Variants in ZNG1A observed in about 807,000 individuals in gnomAD.
The protein encoded by ZNG1A is zinc-regulated GTPase metalloprotein activator 1A.
chr9:154,109 T>A, the ZNG1A span: 1 of 152,918 alleles, frequency 6.5e-6, no homozygotes, highest in African/African-American at 2.4e-5. Flanking sequence ...GATTGTCCTA[T>A]GCTGATCAGC....
chr9:153,665 G>A, the ZNG1A span: 2 of 151,612 alleles, frequency 1.3e-5, no homozygotes, highest in African/African-American at 4.8e-5. Context: ...AAAGTTTAAG[G>A]ACATTACTAT....
At chr9:167,396 A>C in the ZNG1A span, 1 of 150,922 alleles carries the variant, frequency 6.6e-6, no homozygotes, top group African/African-American at 2.5e-5. Flanking sequence ...ACATTTACAA[A>C]GTTGAGGGGG....
chr9:149,888 G>C, the ZNG1A span, among the ~76,000 whole-genome samples: 1 of 144,614 alleles, frequency 6.9e-6, no homozygotes, highest in Non-Finnish European at 1.5e-5. Flanking sequence ...TGGTTCACTA[G>C]TACTTCCATT....
the ZNG1A span, among the ~76,000 whole-genome samples, chr9:168,578 A>G: frequency 2.7e-5 from 4 of 150,230 alleles, 1 homozygote; most frequent in East Asian, 7.8e-4. Context: ...TGGAGATGAA[A>G]TGGCCTCCTT....
the ZNG1A span, chr9:177,671 A>T: frequency 1.6e-6 from 2 of 1,238,308 alleles, no homozygotes. Flanking sequence ...TGCTGGTATT[A>T]ATTCTCACTC....
the ZNG1A span, among the ~76,000 whole-genome samples, chr9:137,473 C>T: frequency 2.6e-5 from 4 of 151,784 alleles, no homozygotes; most frequent in South Asian, 2.1e-4. Flanking sequence ...CAAAACTGCC[C>T]ACAGCATCAA....
chr9:133,829 G>A, the ZNG1A span, among the ~76,000 whole-genome samples: 16 of 151,840 alleles, frequency 1.1e-4, no homozygotes, highest in Non-Finnish European at 2.2e-4. Flanking sequence ...GATTTTATAC[G>A]TAAGGAACGT....
the ZNG1A span, among the ~76,000 whole-genome samples, chr9:129,663 G>A: frequency 7.0e-6 from 1 of 143,818 alleles, no homozygotes; most frequent in East Asian, 2.3e-4. Context: ...GGGGTGAGAG[G>A]GAGACGAAAA....
At chr9:178,056 C>T in the ZNG1A span, among the ~76,000 whole-genome samples, 15 of 150,410 alleles carry the variant, frequency 1.0e-4, 1 homozygote, top group Middle Eastern at 3.4e-3. Flanking sequence ...ACTTCTAATA[C>T]AGCCATATAT....
the ZNG1A span, among the ~76,000 whole-genome samples, chr9:162,822 TAA>T: frequency 6.6e-6 from 1 of 150,638 alleles, no homozygotes; most frequent in African/African-American, 2.4e-5. Context: ...GATAAGTACA[TAA>T]GACAGGTTAT....
chr9:174,381 G>A, the ZNG1A span, among the ~76,000 whole-genome samples: 3 of 151,854 alleles, frequency 2.0e-5, no homozygotes, highest in African/African-American at 7.3e-5. Context: ...TTATATTTCA[G>A]CTAGGTATTA....
At chr9:162,295 C>A in the ZNG1A span, 2 of 753,470 alleles carry the variant, frequency 2.7e-6, no homozygotes, top group South Asian at 2.0e-5. Context: ...CAAATTTCAC[C>A]TATTGTTCAG....
At chr9:158,893 C>A in the ZNG1A span, among the ~76,000 whole-genome samples, 1 of 152,120 alleles carries the variant, frequency 6.6e-6, no homozygotes, top group African/African-American at 2.4e-5. Flanking sequence ...CAGCCCTGCA[C>A]TTCCCTCATG....
the ZNG1A span, chr9:172,020 T>C: frequency 5.0e-6 from 8 of 1,607,016 alleles, no homozygotes; most frequent in African/African-American, 8.0e-5. Context: ...ATTCCTCTAA[T>C]ACATCTATTT....
At chr9:174,148 A>G in the ZNG1A span, among the ~76,000 whole-genome samples, 1 of 149,450 alleles carries the variant, frequency 6.7e-6, no homozygotes, top group Non-Finnish European at 1.5e-5. Flanking sequence ...CTCCATCTCA[A>G]AAAAAAAAAA....
At chr9:176,496 T>C in the ZNG1A span, among the ~76,000 whole-genome samples, 27 of 152,022 alleles carry the variant, frequency 1.8e-4, no homozygotes, top group African/African-American at 6.3e-4. Flanking sequence ...TCTTCTGAAA[T>C]ACATTAAGTT....
the ZNG1A span, among the ~76,000 whole-genome samples, chr9:141,819 C>T: frequency 2.6e-5 from 4 of 152,098 alleles, no homozygotes; most frequent in East Asian, 1.9e-4. Context: ...GAGACACACA[C>T]AGGCTCAAAA....
chr9:152,725 T>C, the ZNG1A span, among the ~76,000 whole-genome samples: 1 of 150,984 alleles, frequency 6.6e-6, no homozygotes, highest in Non-Finnish European at 1.5e-5. Flanking sequence ...GTACACCTCA[T>C]CTATTTATCT....
chr9:171,624 G>A, the ZNG1A span: 1 of 186,446 alleles, frequency 5.4e-6, no homozygotes, highest in Non-Finnish European at 1.1e-5. Flanking sequence ...GTAATCTACA[G>A]ATGATTTAAA....
Sources: allele counts gnomAD v4.1 joint callset (sites outside exome capture counted in the v4.1 genomes callset), GRCh38; gene constraint gnomAD v4.1.1; transcripts MANE v1.5; gene names NCBI Gene and HGNC (gene_info 2026-07-23, HGNC 2026-07-21).